NRDC: variants seen among roughly 807,000 people sequenced by gnomAD.
The protein encoded by NRDC is nardilysin.
In NRDC, 54 loss-of-function variants were observed where a neutral mutation model predicts 147.1. The observed-to-expected ratio is 0.37, with a 90% CI of 0.29 to 0.46. The LOEUF (loss-of-function observed/expected upper bound fraction) is 0.46. NRDC is among the 20% of genes least tolerant of loss of function. NRDC has a pLI of 1.00. For missense variants in NRDC, 1,082 were observed against 1,370.6 expected (o/e 0.79, Z 3.33); for synonymous variants, 440 against 482.1 (o/e 0.91, Z 1.14).
intron 22 of NRDC, 62 bp downstream of exon 22, chr1:51,798,187 T>C (rs753393386): frequency 3.6e-5 from 55 of 1,536,270 alleles, no homozygotes; most frequent in Non-Finnish European, 4.8e-5. Flanking sequence ...AGGAAAGAAC[T>C]ATGGCAATTC....
intron 6 of NRDC, 144 bp from the exon 7 acceptor site, chr1:51,823,930 T>C (rs1244999282): frequency 1.0e-5 from 5 of 500,984 alleles, no homozygotes; most frequent in Non-Finnish European, 1.4e-5. Flanking sequence ...TGTGCAATAA[T>C]GTATTAATAT....
chr1:51,839,787 A>G (rs79537793), intron 2 of NRDC, among the ~76,000 whole-genome samples: 1,895 of 152,316 alleles, frequency 0.012, 38 homozygotes, highest in African/African-American at 0.044. Context: ...CCCTAGGCCC[A>G]TGTAAAGATT....
chr1:51,847,042 C>A lies in NRDC; in HGVS notation c.342-6528G>T, dbSNP rs533494938. On this transcript the variant is annotated intron_variant, in intron 1 of 30. Coordinates refer to ENST00000352171, the MANE Select transcript of NRDC (RefSeq NM_001101662.2). Reference sequence around the variant, plus strand: ...GATAGACACAGAGTGCCGATTGGTGCATTCACAATCCTTTAGCTAGACATA... The same window carrying A: ...GATAGACACAGAGTGCCGATTGGTGAATTCACAATCCTTTAGCTAGACATA... 4.6e-4 allele frequency among the ~76,000 whole-genome samples: 69 copies of A among 151,352 alleles called. 1 individual carries two copies. Among genetic ancestry groups the A allele is most frequent in the African/African-American group, 1.5e-3 (62 of 41,238 alleles).
At chr1:51,861,745 T>TA (rs1251454267) in intron 1 of NRDC, among the ~76,000 whole-genome samples, 5 of 152,184 alleles carry the variant, frequency 3.3e-5, no homozygotes, top group Admixed American at 1.3e-4. Flanking sequence ...AGGGCAGAAA[T>TA]ATACCTGAAG....
intron 5 of NRDC, among the ~76,000 whole-genome samples, chr1:51,827,196 T>C (rs1376311883): frequency 3.3e-5 from 5 of 152,226 alleles, no homozygotes; most frequent in Non-Finnish European, 7.3e-5. Context: ...GACTTCCAGA[T>C]AGATCACTCT....
intron 27 of NRDC, 46 bp from the exon 28 acceptor site, chr1:51,791,036 A>G (rs755766346): frequency 1.5e-6 from 2 of 1,365,258 alleles, no homozygotes; most frequent in East Asian, 2.3e-5. Context: ...AACATCTTCA[A>G]TTAAGTCATC....
chr1:51,797,017 G>A (rs964446077), intron 22 of NRDC, among the ~76,000 whole-genome samples: 7 of 151,634 alleles, frequency 4.6e-5, no homozygotes, highest in Admixed American at 2.0e-4. Context: ...TGGCCAACAC[G>A]GTGAAATCCC....
At chr1:51,835,467 GT>G (rs951683379) in intron 3 of NRDC, among the ~76,000 whole-genome samples, 6,090 of 114,452 alleles carry the variant, frequency 0.053, 71 homozygotes, top group African/African-American at 0.08. Flanking sequence ...TTTGTTTCTT[GT>G]TTTTTTTTTT....
rs370418277 is a variant in NRDC at position 51,798,310 on chromosome 1, A to G, written c.2543T>C (p.Val848Ala). ...GLSLESLLSF[V>A]KEFKSQLFVE... is the part of the protein sequence containing the mutation. ...AAAGAGCTGGGATTTGAATTCTTTG[A>G]CGAAGCTCAGCAGAGACTCAAGGGA... The change falls in exon 22 of 31, where the codon GTC becomes GCC. Residue 848 changes from valine to alanine, a missense_variant. By Grantham distance (64) the Val-to-Ala change is moderately conservative. Coordinates refer to ENST00000352171, the MANE Select transcript of NRDC (RefSeq NM_001101662.2). 38 of 1,614,036 alleles carry G rather than the reference A, an allele frequency of 2.4e-5. No individual in the cohort carries two copies. The highest frequency in any genetic ancestry group is 8.0e-5 in the African/African-American group (6 of 74,920).
intron 4 of NRDC, among the ~76,000 whole-genome samples, chr1:51,828,167 C>T (rs1680528649): frequency 6.6e-6 from 1 of 152,228 alleles, no homozygotes; most frequent in East Asian, 1.9e-4. Context: ...ACTCTAGAAG[C>T]ACCCAGCTCC....
At chr1:51,817,242 A>C (rs1016339575) in intron 10 of NRDC, among the ~76,000 whole-genome samples, 1 of 152,230 alleles carries the variant, frequency 6.6e-6, no homozygotes, top group African/African-American at 2.4e-5. Flanking sequence ...GGCTGGGCAC[A>C]GTGGCTCATG....
At chr1:51,863,456 C>G (rs983140070) in intron 1 of NRDC, among the ~76,000 whole-genome samples, 1 of 151,902 alleles carries the variant, frequency 6.6e-6, no homozygotes. Context: ...CTTTAATGAA[C>G]TCAACCTAAA....
At chr1:51,809,827 A>AG (rs1188999308) in intron 16 of NRDC, among the ~76,000 whole-genome samples, 13 of 152,116 alleles carry the variant, frequency 8.5e-5, no homozygotes, top group South Asian at 6.2e-4. Context: ...GCTTGAACCC[A>AG]GGGGGCAAAA....
intron 1 of NRDC, among the ~76,000 whole-genome samples, chr1:51,868,024 T>C (rs1682901175): frequency 6.6e-6 from 1 of 152,136 alleles, no homozygotes; most frequent in African/African-American, 2.4e-5. Context: ...CTGGAATAAT[T>C]AGTGGAACAT....
intron 1 of NRDC, among the ~76,000 whole-genome samples, chr1:51,846,705 T>C (rs546416255): frequency 1.3e-5 from 2 of 152,368 alleles, no homozygotes; most frequent in South Asian, 2.1e-4. Context: ...CAACAAGATT[T>C]ATCGCCAACA....
intron 1 of NRDC, among the ~76,000 whole-genome samples, chr1:51,854,953 A>G (rs1160435615): frequency 6.6e-6 from 1 of 152,180 alleles, no homozygotes; most frequent in Non-Finnish European, 1.5e-5. Context: ...TCTTTGTTCT[A>G]AATTTCTTTC....
rs528267357 is a variant in NRDC, at chr1:51,842,959, G to A, written c.342-2445C>T. Among the ~76,000 whole-genome samples, 19 of 151,016 alleles carry A rather than the reference G, an allele frequency of 1.3e-4. No homozygotes were observed. In the South Asian group the frequency reaches 3.6e-3, roughly 28 times the overall value. On this transcript the variant is annotated intron_variant, in intron 1 of 30. Transcript: ENST00000352171. ...TGTATCTATGGTCCCAGCTACTCCA[G>A]AGGCTGAGGTGGGAGGATGGCTTAA... is the stretch of plus-strand genomic sequence containing the variant.
Position 51,790,542 on chromosome 1 carries a change from A to G in NRDC, c.3159T>C (p.Leu1053=), listed in dbSNP as rs1276926733. 1 of 1,610,628 alleles carries G rather than the reference A, an allele frequency of 6.2e-7. No individual in the cohort carries two copies. Among genetic ancestry groups the G allele is most frequent in the Admixed American group, 1.7e-5 (1 of 60,000 alleles). ...VVTQQYLFDR[L]AHEIEALKSF... is the part of the protein sequence containing the mutation. Reference sequence around the variant, plus strand: ...CTGAAAACCATGTTACCTCGTGGGCAAGGCGGTCAAAGAGGTACTGCTGTG... The same window carrying G: ...CTGAAAACCATGTTACCTCGTGGGCGAGGCGGTCAAAGAGGTACTGCTGTG... Residue 1053 remains leucine (L), a synonymous_variant, in exon 29 of 31, where the codon CTT becomes CTC. Coordinates refer to ENST00000352171, the MANE Select transcript of NRDC (RefSeq NM_001101662.2).
intron 2 of NRDC, among the ~76,000 whole-genome samples, chr1:51,838,153 C>A (rs1177299175): frequency 6.6e-6 from 1 of 152,108 alleles, no homozygotes; most frequent in Non-Finnish European, 1.5e-5. Context: ...TCCACTGTCC[C>A]GGTAGGATAA....
Sources: gnomAD v4.1 joint callset for allele counts (sites outside exome capture counted in the v4.1 genomes callset) on GRCh38, gnomAD v4.1.1 for gene constraint, MANE v1.5 for transcripts, NCBI Gene and HGNC (gene_info 2026-07-23, HGNC 2026-07-21) for gene names.